Variants in GCSAML observed in about 807,000 individuals in gnomAD.
The protein encoded by GCSAML is germinal center-associated signaling and motility-like protein.
Under a neutral mutation model 13.0 loss-of-function variants are expected in GCSAML, and 9 were observed. The ratio of observed to expected loss-of-function variants is 0.69; its 90% CI spans 0.42 to 1.21. GCSAML has a LOEUF of 1.21. GCSAML is among the 50% of genes most tolerant of loss of function. GCSAML has a pLI of 0.00. For synonymous variants in GCSAML, 37 were observed against 52.9 expected (o/e 0.70, Z 1.31); for missense variants, 143 against 153.4 (o/e 0.93, Z 0.36).
chr1:247,547,432 T>C (rs1024601946), upstream of GCSAML, among the ~76,000 whole-genome samples: 9 of 152,240 alleles, frequency 5.9e-5, no homozygotes, highest in Non-Finnish European at 1.0e-4. Flanking sequence ...GCTGAAAAGA[T>C]GGAAACCTTT....
chr1:247,559,846 C>T (rs746744761), intron 2 of GCSAML, among the ~76,000 whole-genome samples: 7 of 152,062 alleles, frequency 4.6e-5, no homozygotes, highest in Non-Finnish European at 8.8e-5. Flanking sequence ...ATGTTCTGTT[C>T]TTATAAAGAC....
chr1:247,546,516 G>A (rs559552561), upstream of GCSAML, among the ~76,000 whole-genome samples: 21 of 151,948 alleles, frequency 1.4e-4, no homozygotes, highest in East Asian at 5.9e-4. Context: ...CCGCCACCAC[G>A]CCTGGCTCAT....
chr1:247,519,992 C>G (rs1379075266), intron 1 of GCSAML, among the ~76,000 whole-genome samples: 1 of 152,114 alleles, frequency 6.6e-6, no homozygotes, highest in African/African-American at 2.4e-5. Flanking sequence ...CTTTTTTCAA[C>G]TCATGCATTT....
intron 2 of GCSAML, among the ~76,000 whole-genome samples, chr1:247,543,832 C>T (rs1047005543): frequency 6.6e-6 from 1 of 150,954 alleles, no homozygotes; most frequent in Admixed American, 6.6e-5. Context: ...CTCTGTCACC[C>T]AGGCTGGAGT....
At chr1:247,515,856 T>C (rs1224361077) in intron 1 of GCSAML, among the ~76,000 whole-genome samples, 1 of 152,210 alleles carries the variant, frequency 6.6e-6, no homozygotes, top group Non-Finnish European at 1.5e-5. Context: ...AAATCCAACC[T>C]GTTATCACAC....
intron 2 of GCSAML, among the ~76,000 whole-genome samples, chr1:247,535,549 A>G (rs1371603551): frequency 6.6e-6 from 1 of 152,230 alleles, no homozygotes; most frequent in Non-Finnish European, 1.5e-5. Flanking sequence ...AGTATATCCC[A>G]TCTGTGGAAA....
intron 1 of GCSAML, chr1:247,525,453 G>T (rs1666642822): frequency 6.6e-6 from 1 of 152,224 alleles, no homozygotes; most frequent in Admixed American, 6.5e-5. Flanking sequence ...CCCTTCTTGG[G>T]TTCAATTAAT....
intron 1 of GCSAML, among the ~76,000 whole-genome samples, chr1:247,554,307 G>C (rs994602837): frequency 2.0e-5 from 3 of 151,954 alleles, no homozygotes; most frequent in Admixed American, 2.0e-4. Context: ...CATCATGCCT[G>C]TTTTATGTCT....
At chr1:247,566,068 C>A in intron 4 of GCSAML, 109 bp downstream of exon 4, 1 of 677,600 alleles carries the variant, frequency 1.5e-6, no homozygotes, top group South Asian at 2.5e-5. Flanking sequence ...ATCTGTCTTC[C>A]TTTATTTGTA....
At chr1:247,507,639 A>G (rs980297801) in intron 1 of GCSAML, among the ~76,000 whole-genome samples, 1 of 152,162 alleles carries the variant, frequency 6.6e-6, no homozygotes, top group African/African-American at 2.4e-5. Context: ...CACCATCTAC[A>G]TTAGGTATTT....
chr1:247,535,555 G>C (rs1667186509), intron 2 of GCSAML, among the ~76,000 whole-genome samples: 1 of 152,150 alleles, frequency 6.6e-6, no homozygotes, highest in South Asian at 2.1e-4. Context: ...TCCCATCTGT[G>C]GAAAGATAAA....
intron 2 of GCSAML, among the ~76,000 whole-genome samples, chr1:247,559,952 G>T (rs1158255048): frequency 6.6e-6 from 1 of 152,144 alleles, no homozygotes; most frequent in African/African-American, 2.4e-5. Flanking sequence ...ACATTCTGAG[G>T]TTCTGGGGAT....
intron 1 of GCSAML, among the ~76,000 whole-genome samples, chr1:247,520,370 C>G (rs1342409226): frequency 6.6e-6 from 1 of 152,204 alleles, no homozygotes; most frequent in African/African-American, 2.4e-5. Context: ...AAAACAGACT[C>G]AGGTCCTACA....
Position 247,576,808 on chromosome 1 carries a change from T to C in GCSAML, c.*2426T>C, listed in dbSNP as rs1422608914. The C allele has an allele frequency of 1.3e-5, 2 of 152,226 alleles. No individual in the cohort carries two copies. Among genetic ancestry groups the C allele is most frequent in the Non-Finnish European group, 2.9e-5 (2 of 68,040 alleles). The allele number at this position is 152,226 out of a possible 1,614,324, so 9.4% of individuals were successfully genotyped here. On this transcript the variant is annotated 3_prime_UTR_variant, in exon 5 of 5. Transcript: ENST00000366488. ...CAAAATATGTCAGTCCTGTAGATAT[T>C]AGCCAATTTTAGGAAAATGACAAAA...
intron 2 of GCSAML, 25 bp downstream of exon 2, chr1:247,556,491 T>TTTTTG (rs558022342): frequency 1.2e-5 from 19 of 1,567,484 alleles, no homozygotes; most frequent in Middle Eastern, 1.7e-4. Context: ...TCTCAGAGTT[T>TTTTTG]TTTTGTTTTG....
intron 1 of GCSAML, among the ~76,000 whole-genome samples, chr1:247,517,113 A>G (rs139666954): frequency 4.3e-4 from 65 of 152,118 alleles, no homozygotes; most frequent in African/African-American, 1.4e-3. Context: ...GGACATGGCA[A>G]GGAAGAAAAT....
At chr1:247,566,431 A>G (rs1668369186) in intron 4 of GCSAML, among the ~76,000 whole-genome samples, 1 of 152,082 alleles carries the variant, frequency 6.6e-6, no homozygotes, top group African/African-American at 2.4e-5. Flanking sequence ...TAGTAGAGAC[A>G]GGGTTTCACT....
Position 247,518,219 on chromosome 1 carries a change from C to G in GCSAML, c.-262-8721C>G, listed in dbSNP as rs1435442767. On this transcript the variant is annotated intron_variant, in intron 1 of 5. Coordinates refer to the GCSAML transcript ENST00000366489. The stretch of plus-strand genomic sequence containing the variant: ...GAGCTGCCATTCCGCCCTGACGTCG[C>G]CGCGTACACGTACCTGGGGCGGTGC... 3.9e-5 allele frequency among the ~76,000 whole-genome samples: 6 copies of G among 152,340 alleles called. No homozygotes were observed. The East Asian group carries it at 1.2e-3, about 29-fold the overall frequency.
chr1:247,548,972 A>T, upstream of GCSAML: 1 of 1,188,426 alleles, frequency 8.4e-7, no homozygotes. The surrounding 1 kb of genome is among the most constrained non-coding windows in gnomAD (Gnocchi z 5.3). Flanking sequence ...GCGTGCAGGC[A>T]CACACACGCA....
Sources: gnomAD v4.1 joint callset for allele counts (sites outside exome capture counted in the v4.1 genomes callset) on GRCh38, gnomAD v4.1.1 for gene constraint, Gnocchi (gnomAD v3.1) non-coding constraint, MANE v1.5 for transcripts, NCBI Gene and HGNC (gene_info 2026-07-23, HGNC 2026-07-21) for gene names.